DPP6: variants seen among roughly 807,000 people sequenced by gnomAD.
The protein encoded by DPP6 is A-type potassium channel modulatory protein DPP6.
Under a neutral mutation model 122.6 loss-of-function variants are expected in DPP6, and 69 were observed. The observed-to-expected ratio is 0.56, with a 90% CI of 0.46 to 0.69. The LOEUF is 0.69. Ranked by LOEUF, DPP6 falls within the 30% of genes least tolerant of loss-of-function variation. The probability of loss-of-function intolerance (pLI) is 0.00; values close to 1 mark genes in which losing one functional copy is unlikely to be tolerated. For missense variants in DPP6, 928 were observed against 1,116.9 expected (o/e 0.83, Z 2.41); for synonymous variants, 418 against 433.1 (o/e 0.97, Z 0.43).
In DPP6 at chr7:154,863,942, CGG is replaced by C. The variant is rs1803637536; in HGVS notation, c.1715-4052_1715-4051del. 6.6e-6 allele frequency among the ~76,000 whole-genome samples: 1 copy of C among 151,950 alleles called. No homozygotes were observed. Among genetic ancestry groups the C allele is most frequent in the Non-Finnish European group, 1.5e-5 (1 of 68,018 alleles). On this transcript the variant is annotated intron_variant, in intron 17 of 25. Coordinates refer to ENST00000377770, the MANE Select transcript of DPP6 (RefSeq NM_130797.4). The surrounding 1 kb of genome is among the most constrained non-coding windows in gnomAD (Gnocchi z 4.1). ...ATGGCCTAGCCCTGGGGTAAGCGGA[CGG>C]CAGCTGCAAGAGCACAGGGAGGGGG...
chr7:154,742,693 C>T (rs111428369), intron 8 of DPP6, among the ~76,000 whole-genome samples: 321 of 152,322 alleles, frequency 2.1e-3, no homozygotes, highest in African/African-American at 6.6e-3. Context: ...ACTGTCTCAT[C>T]GTGCCACTGG....
At chr7:153,889,245 A>G (rs1320974113) in intron 1 of DPP6, among the ~76,000 whole-genome samples, 1 of 152,148 alleles carries the variant, frequency 6.6e-6, no homozygotes, top group Non-Finnish European at 1.5e-5. Flanking sequence ...GTTTATGAAA[A>G]TGCATCTGCT....
chr7:154,784,719 C>A (rs142301150), intron 10 of DPP6, among the ~76,000 whole-genome samples: 24 of 152,210 alleles, frequency 1.6e-4, no homozygotes, highest in African/African-American at 5.5e-4. Context: ...CATCTAGGCT[C>A]CCTGAACAAA....
chr7:154,582,857 C>T (rs1832166307), intron 5 of DPP6, among the ~76,000 whole-genome samples: 1 of 152,150 alleles, frequency 6.6e-6, no homozygotes, highest in African/African-American at 2.4e-5. Context: ...GGCTCAGCCA[C>T]CCAGCCCCTG....
intron 4 of DPP6, among the ~76,000 whole-genome samples, chr7:154,551,127 T>C (rs983749920): frequency 6.6e-6 from 1 of 152,242 alleles, no homozygotes; most frequent in Non-Finnish European, 1.5e-5. Flanking sequence ...CAAACTTCTT[T>C]TACCATTTTT....
intron 1 of DPP6, among the ~76,000 whole-genome samples, chr7:154,286,850 G>A (rs1301571013): frequency 2.0e-5 from 3 of 150,816 alleles, no homozygotes; most frequent in East Asian, 2.0e-4. Context: ...CTGTCACCCA[G>A]GCTGAAGTGC....
chr7:154,295,944 CTTTT>C (rs146439433), intron 1 of DPP6, among the ~76,000 whole-genome samples: 34 of 112,760 alleles, frequency 3.0e-4, no homozygotes, highest in Middle Eastern at 4.6e-3. Context: ...ACAGTTGCTT[CTTTT>C]TTTTTTTTTT....
chr7:154,223,169 C>T (rs1181941278), intron 1 of DPP6, among the ~76,000 whole-genome samples: 1 of 148,388 alleles, frequency 6.7e-6, no homozygotes, highest in African/African-American at 2.6e-5. Context: ...AATCACTGGA[C>T]ATAAAGATGG....
At chr7:154,804,003 C>T (rs752075819) in intron 14 of DPP6, 48 bp downstream of exon 14, 5 of 1,591,680 alleles carry the variant, frequency 3.1e-6, no homozygotes, top group South Asian at 1.1e-5. Context: ...CAATGGGGCA[C>T]ATTTGTTATT....
chr7:154,599,392 A>G (rs1371308389), intron 5 of DPP6, among the ~76,000 whole-genome samples: 1 of 152,198 alleles, frequency 6.6e-6, no homozygotes, highest in African/African-American at 2.4e-5. Flanking sequence ...CTCACTTTTT[A>G]TATGGAGAAA....
At chr7:154,371,088 T>C (rs1009819670) in intron 1 of DPP6, among the ~76,000 whole-genome samples, 8 of 152,020 alleles carry the variant, frequency 5.3e-5, no homozygotes, top group African/African-American at 1.9e-4. Flanking sequence ...AAATCAAATG[T>C]TGAAGTGGGC....
intron 1 of DPP6, among the ~76,000 whole-genome samples, chr7:154,074,680 A>C (rs1563171621): frequency 6.6e-6 from 1 of 152,236 alleles, no homozygotes; most frequent in Non-Finnish European, 1.5e-5. Flanking sequence ...GAATTGGCAT[A>C]AGAGACACAC....
At chr7:154,492,934 C>T (rs1824409885) in intron 3 of DPP6, among the ~76,000 whole-genome samples, 1 of 152,122 alleles carries the variant, frequency 6.6e-6, no homozygotes, top group Admixed American at 6.5e-5. Context: ...AGATGTAACC[C>T]AAATAGAAAA....
At chr7:154,142,100 C>G (rs769410452) in intron 1 of DPP6, among the ~76,000 whole-genome samples, 1 of 152,112 alleles carries the variant, frequency 6.6e-6, no homozygotes, top group Non-Finnish European at 1.5e-5. Flanking sequence ...AGATATCGTA[C>G]TCCCAGGAAA....
At chr7:154,331,398 A>G (rs1250809085) in intron 1 of DPP6, among the ~76,000 whole-genome samples, 3 of 152,206 alleles carry the variant, frequency 2.0e-5, no homozygotes, top group Admixed American at 6.5e-5. Context: ...AGCTGCACTA[A>G]TAGACGGGGG....
chr7:154,260,417 A>G lies in DPP6; in HGVS notation c.244-185797A>G, dbSNP rs1223990598. Among the ~76,000 whole-genome samples, 4 of 152,106 alleles carry G rather than the reference A, an allele frequency of 2.6e-5. No individual in the cohort carries two copies. The South Asian group carries it at 8.3e-4, about 32-fold the overall frequency. On this transcript the variant is annotated intron_variant, in intron 1 of 25. Coordinates refer to ENST00000377770, the MANE Select transcript of DPP6 (RefSeq NM_130797.4). ...GCCCAAGCAGTATACACTGCACTCAATTTATAGTCTTTTATTCCTCACCCC... is the reference window on the plus strand; with the variant it reads ...GCCCAAGCAGTATACACTGCACTCAGTTTATAGTCTTTTATTCCTCACCCC...
chr7:153,887,671 G>T, exon 1 of DPP6: 1 of 1,613,844 alleles, frequency 6.2e-7, no homozygotes, highest in Non-Finnish European at 8.5e-7. Flanking sequence ...GTCGGGTTCG[G>T]ACTTGGGGCA....
chr7:153,782,244 A>G, the DPP6 span, among the ~76,000 whole-genome samples: 13 of 151,938 alleles, frequency 8.6e-5, no homozygotes, highest in Non-Finnish European at 2.9e-5. Context: ...GACAATCCCA[A>G]TGTTATGGTT....
At chr7:153,941,859 C>T (rs1230007358) in intron 1 of DPP6, among the ~76,000 whole-genome samples, 1 of 152,154 alleles carries the variant, frequency 6.6e-6, no homozygotes, top group Non-Finnish European at 1.5e-5. Flanking sequence ...CTCTCCCTCT[C>T]TCTGTTTCTG....
Sources: gnomAD v4.1 joint callset for allele counts (sites outside exome capture counted in the v4.1 genomes callset) on GRCh38, gnomAD v4.1.1 for gene constraint, Gnocchi (gnomAD v3.1) non-coding constraint, MANE v1.5 for transcripts, NCBI Gene and HGNC (gene_info 2026-07-23, HGNC 2026-07-21) for gene names.